Variants in SLIT1 observed in about 807,000 individuals in gnomAD.
The protein encoded by SLIT1 is slit guidance ligand 1, also known as slit homolog 1 protein.
Under a neutral mutation model 186.1 loss-of-function variants are expected in SLIT1, and 66 were observed. The observed-to-expected ratio is 0.35, with a 90% CI of 0.29 to 0.44. The LOEUF (loss-of-function observed/expected upper bound fraction) is 0.44, where lower values mean the gene tolerates loss of function less well. SLIT1 is among the 20% of genes least tolerant of loss of function. The pLI is 1.00. For synonymous variants in SLIT1, 761 were observed against 833.8 expected, an observed-to-expected ratio of 0.91 and a Z score of 1.50; for missense variants, 1,638 against 2,037.4, an observed-to-expected ratio of 0.80 and a Z score of 3.77.
At chr10:97,038,946 C>T (rs1218416620) in intron 21 of SLIT1, among the ~76,000 whole-genome samples, 1 of 152,172 alleles carries the variant, frequency 6.6e-6, no homozygotes, top group African/African-American at 2.4e-5. Context: ...GGCTGCCCCA[C>T]CCATCCCATT....
intron 12 of SLIT1, among the ~76,000 whole-genome samples, chr10:97,056,715 C>T (rs1395469742): frequency 6.6e-6 from 1 of 152,186 alleles, no homozygotes; most frequent in South Asian, 2.1e-4. Context: ...TAGAGATGCC[C>T]TGTGGGATTC....
chr10:97,087,738 G>A (rs1849181102), intron 4 of SLIT1, among the ~76,000 whole-genome samples: 1 of 152,116 alleles, frequency 6.6e-6, no homozygotes, highest in African/African-American at 2.4e-5. Context: ...GGGAGCCCGA[G>A]GCCTCCACTC....
intron 9 of SLIT1, 122 bp from the exon 10 acceptor site, chr10:97,060,280 C>A: frequency 1.2e-6 from 1 of 814,614 alleles, no homozygotes; most frequent in Non-Finnish European, 2.1e-6. Flanking sequence ...TCCCTTCCCA[C>A]TTCCAGAAGT....
intron 9 of SLIT1, among the ~76,000 whole-genome samples, chr10:97,060,391 GA>G (rs1293680121): frequency 1.3e-5 from 2 of 152,248 alleles, no homozygotes; most frequent in African/African-American, 4.8e-5. Flanking sequence ...AAATGATGCT[GA>G]GAACCTGATT....
intron 4 of SLIT1, chr10:97,102,503 A>C (rs1473902187): frequency 6.6e-6 from 1 of 151,798 alleles, no homozygotes; most frequent in Non-Finnish European, 1.5e-5. Context: ...CTGCAGGGAC[A>C]CGCAAAGGTG....
chr10:97,004,169 T>A lies in SLIT1; in HGVS notation c.3764A>T (p.Asp1255Val). The change falls in exon 34 of 37, where the codon GAC (aspartate) becomes GTC (valine). Residue 1255 changes from aspartate to valine, a missense_variant. This residue lies in a region of SLIT1 where 173 missense variants were observed against 290.9 expected (regional missense o/e 0.59). Transcript: ENST00000266058. This position sits in a 1 kb window ranked among gnomAD's most constrained non-coding sequence, Gnocchi z 5.1. ...QFHTVELVAF[D>V]QMVNLSIDGG... ...ATCAATGGAGAGATTCACCATCTGG[T>A]CAAAGGCAACCAGCTCAACGGTGTG... 1 of 1,613,796 alleles carries A rather than the reference T, an allele frequency of 6.2e-7. No homozygotes were observed. The highest frequency in any genetic ancestry group is 8.5e-7 in the Non-Finnish European group (1 of 1,179,722).
chr10:97,148,146 C>T (rs1849837669), intron 4 of SLIT1, among the ~76,000 whole-genome samples: 1 of 152,144 alleles, frequency 6.6e-6, no homozygotes, highest in South Asian at 2.1e-4. Context: ...ATTCTCCTGC[C>T]TATAAAAATG....
chr10:97,114,985 C>T (rs1322000380), intron 4 of SLIT1, among the ~76,000 whole-genome samples: 1 of 152,176 alleles, frequency 6.6e-6, no homozygotes. Context: ...CGATTCCTGC[C>T]ATTACCCATG....
chr10:97,064,050 G>T, intron 7 of SLIT1, 118 bp downstream of exon 7: 1 of 837,878 alleles, frequency 1.2e-6, no homozygotes, highest in Non-Finnish European at 2.0e-6. Context: ...GGCCTCTGGG[G>T]GTCTGAGGGA....
At chr10:97,077,910 A>G (rs1451455426) in intron 4 of SLIT1, among the ~76,000 whole-genome samples, 1 of 152,098 alleles carries the variant, frequency 6.6e-6, no homozygotes, top group African/African-American at 2.4e-5. Flanking sequence ...AATTTGAGGC[A>G]ACCTGGGCAA....
chr10:97,140,251 T>C (rs1849744432), intron 4 of SLIT1, among the ~76,000 whole-genome samples: 1 of 152,146 alleles, frequency 6.6e-6, no homozygotes, highest in African/African-American at 2.4e-5. Flanking sequence ...TACCCATTAC[T>C]ACCCCATTAG....
At chr10:97,151,720 A>G (rs73324819) in intron 4 of SLIT1, among the ~76,000 whole-genome samples, 9,602 of 152,132 alleles carry the variant, frequency 0.063, 694 homozygotes, top group African/African-American at 0.18. Context: ...GCATTTCTTT[A>G]TCTGTAAAAT....
In SLIT1 at chr10:97,185,766, G is replaced by C. The variant is rs1850406251; in HGVS notation, c.-92C>G. 5.1e-6 allele frequency: 6 copies of C among 1,179,378 alleles called. No individual in the cohort carries two copies. The highest frequency in any genetic ancestry group is 6.7e-6 in the Non-Finnish European group (6 of 894,386). The allele number at this position is 1,179,378 out of a possible 1,614,324, so 73.1% of individuals were successfully genotyped here. A position where few individuals can be genotyped will look rare whatever the true frequency, so the allele number is the denominator to read the frequency against. On this transcript the variant is annotated 5_prime_UTR_variant, in exon 1 of 37. Coordinates refer to ENST00000266058, the MANE Select transcript of SLIT1 (RefSeq NM_003061.3). ...CGCCTCCAGGTGCAGTCCCGGGGCA[G>C]AGCCACCGAAGAGCCCGCGGGCTTG...
In SLIT1 at chr10:97,034,473, A is replaced by T. The variant is rs371354164; in HGVS notation, c.2436T>A (p.Thr812=). 3.7e-6 allele frequency: 6 copies of T among 1,612,274 alleles called. No homozygotes were observed. In the African/African-American group the frequency reaches 5.3e-5, roughly 14 times the overall value. ...SSFTNMSQLT[T]LILSYNALQC... is the part of the protein sequence containing the mutation. ...ACCCCAGCCCTGCTGGGACTCACAG[A>T]GTGGTCAGCTGGCTCATGTTGGTGA... The change falls in exon 23 of 37, where the codon ACT becomes ACA. Residue 812 remains threonine, a splice_region_variant and synonymous_variant. Transcript: ENST00000266058.
intron 28 of SLIT1, among the ~76,000 whole-genome samples, chr10:97,015,861 G>A (rs1251020244): frequency 6.6e-6 from 1 of 151,992 alleles, no homozygotes; most frequent in African/African-American, 2.4e-5. Context: ...GCATGGCAGA[G>A]TACTCAAGAA....
intron 21 of SLIT1, among the ~76,000 whole-genome samples, chr10:97,039,259 T>C (rs550668253): frequency 1.1e-3 from 163 of 152,308 alleles, no homozygotes; most frequent in African/African-American, 3.7e-3. Flanking sequence ...GAGTCTTTCA[T>C]TGGGAGGTGT....
At chr10:97,106,484 G>T (rs7895402) in intron 4 of SLIT1, among the ~76,000 whole-genome samples, 74 of 152,020 alleles carry the variant, frequency 4.9e-4, no homozygotes, top group African/African-American at 1.6e-3. Flanking sequence ...ATCTGACTCA[G>T]GTCTGCCAGA....
At position 97,021,244 on chromosome 10, in the gene SLIT1, G is replaced by A. The variant is rs771728326; in HGVS notation, c.2746+6C>T. On this transcript the variant is annotated splice_donor_region_variant and intron_variant, in intron 26 of 36. Coordinates refer to ENST00000266058, the MANE Select transcript of SLIT1 (RefSeq NM_003061.3). This position sits in a 1 kb window ranked among gnomAD's most constrained non-coding sequence, Gnocchi z 4.5. The stretch of plus-strand genomic sequence containing the variant: ...CAGCAGCAGGAGGCTGTGCTCCTAG[G>A]CTCACCTTGGCATTCAAACTTCTTG... The A allele has an allele frequency of 2.1e-5, 34 of 1,612,896 alleles. No individual in the cohort carries two copies. Among genetic ancestry groups the A allele is most frequent in the South Asian group, 2.1e-4 (19 of 90,914 alleles).
At chr10:97,091,880 C>A (rs1273458456) in intron 4 of SLIT1, among the ~76,000 whole-genome samples, 1 of 152,194 alleles carries the variant, frequency 6.6e-6, no homozygotes, top group African/African-American at 2.4e-5. Context: ...TAAACAAGCT[C>A]CAGTCTTTTA....
Sources: gnomAD v4.1 joint callset for allele counts (sites outside exome capture counted in the v4.1 genomes callset) on GRCh38, gnomAD v4.1.1 for gene constraint, gnomAD v4.1.1 regional missense constraint, Gnocchi (gnomAD v3.1) non-coding constraint, MANE v1.5 for transcripts, NCBI Gene and HGNC (gene_info 2026-07-23, HGNC 2026-07-21) for gene names.